The following XPO4 variants were observed in gnomAD, a reference collection of about 807,000 sequenced individuals.
The protein encoded by XPO4 is exportin-4.
A neutral mutation model predicts 143.0 loss-of-function variants in XPO4; 39 were observed. The ratio of observed to expected loss-of-function variants is 0.27; its 90% confidence interval spans 0.21 to 0.36. XPO4 has a LOEUF of 0.36. Among genes scored for constraint, XPO4 ranks in the 10% least tolerant of loss-of-function variants. The pLI, the probability that XPO4 is intolerant of heterozygous loss-of-function variation, is 1.00. For missense variants in XPO4, 907 were observed against 1,348.0 expected (o/e 0.67, Z 5.12); for synonymous variants, 439 against 474.0 (o/e 0.93, Z 0.96).
In XPO4 at chr13:20,789,566, T is replaced by G. The variant is rs7992338; in HGVS notation, c.2916+896A>C. ...CCCACCACCACACCCGGCTTTTTTTTTGTGTGTGTGTGTGTGTATTTTTAG... is the reference window on the plus strand; with the variant it reads ...CCCACCACCACACCCGGCTTTTTTTGTGTGTGTGTGTGTGTGTATTTTTAG... On this transcript the variant is annotated intron_variant, in intron 19 of 22. Coordinates refer to ENST00000255305, the MANE Select transcript of XPO4 (RefSeq NM_022459.5). Among the ~76,000 whole-genome samples the G allele has an allele frequency of 7.7e-3, 1,165 of 150,606 alleles. 7 individuals carry two copies. The highest frequency in any genetic ancestry group is 0.012 in the African/African-American group (479 of 40,908).
intron 2 of XPO4, 176 bp downstream of exon 2, chr13:20,868,420 C>T (rs1382549016): frequency 1.9e-5 from 19 of 1,026,822 alleles, no homozygotes; most frequent in Middle Eastern, 3.6e-4. Flanking sequence ...CAAAGTTTCC[C>T]GTCTGGCTTT....
chr13:20,856,472 T>A, intron 3 of XPO4: 1 of 515,748 alleles, frequency 1.9e-6, no homozygotes, highest in Non-Finnish European at 2.5e-6. Context: ...TTCTGAAAGA[T>A]AAGGATCAGA....
chr13:20,833,954 A>G (rs2059884096), intron 6 of XPO4, among the ~76,000 whole-genome samples: 1 of 152,184 alleles, frequency 6.6e-6, no homozygotes, highest in East Asian at 1.9e-4. Context: ...GGAGGATCAC[A>G]GGACCAGGAC....
At chr13:20,799,482 C>G (rs2059405659) in intron 15 of XPO4, 143 bp from the exon 16 acceptor site, 3 of 670,084 alleles carry the variant, frequency 4.5e-6, no homozygotes, top group Non-Finnish European at 6.8e-6. Flanking sequence ...TTAGTATAGA[C>G]TTTGAAGTCA....
rs2059448221 is a variant in XPO4 at position 20,802,506 on chromosome 13, G to A, written c.1818-1516C>T. Among the ~76,000 whole-genome samples, 3 of 152,266 alleles carry A rather than the reference G, an allele frequency of 2.0e-5. No homozygotes were observed. The South Asian group carries it at 6.2e-4, about 32-fold the overall frequency. ...AGTAATACATTTAAGTTGTAGATAT[G>A]TCAAAATTCCTGGTAAGATTAAATC... On this transcript the variant is annotated intron_variant, in intron 13 of 22. Transcript: ENST00000255305.
intron 1 of XPO4, among the ~76,000 whole-genome samples, chr13:20,881,273 A>G (rs1426179494): frequency 6.6e-6 from 1 of 151,886 alleles, no homozygotes. Context: ...ATTTTACAAT[A>G]ATTTTTTTTT....
intron 3 of XPO4, chr13:20,856,838 G>A: frequency 2.0e-6 from 2 of 985,168 alleles, no homozygotes; most frequent in Non-Finnish European, 2.4e-6. Flanking sequence ...CCTCTCCCAA[G>A]ATTATGACGT....
At chr13:20,872,719 C>A (rs7325722) in intron 1 of XPO4, among the ~76,000 whole-genome samples, 1 of 152,032 alleles carries the variant, frequency 6.6e-6, no homozygotes, top group Non-Finnish European at 1.5e-5. Flanking sequence ...GTCACACTAT[C>A]AGTAAGAAGC....
At chr13:20,879,023 G>T in intron 1 of XPO4, 1 of 860,076 alleles carries the variant, frequency 1.2e-6, no homozygotes, top group Non-Finnish European at 1.4e-6. Flanking sequence ...GAGCTTACAA[G>T]AAATTAAGGA....
chr13:20,823,974 T>C (rs1055909772), intron 7 of XPO4, among the ~76,000 whole-genome samples: 1 of 152,168 alleles, frequency 6.6e-6, no homozygotes, highest in Non-Finnish European at 1.5e-5. Flanking sequence ...TTAATGACCA[T>C]CAATAAGCTT....
At chr13:20,787,649 A>G (rs774424042) in intron 20 of XPO4, 51 bp from the exon 21 acceptor site, 30 of 1,501,306 alleles carry the variant, frequency 2.0e-5, no homozygotes, top group Non-Finnish European at 2.5e-5. Context: ...TCGATTTATA[A>G]AAGATAAAAA....
intron 4 of XPO4, chr13:20,848,489 A>AT (rs2060049948): frequency 2.0e-6 from 2 of 985,444 alleles, no homozygotes; most frequent in Non-Finnish European, 2.4e-6. Flanking sequence ...ATACCATGTA[A>AT]TTACACCAGG....
At chr13:20,865,429 A>C (rs1490143214) in intron 2 of XPO4, 1 of 983,938 alleles carries the variant, frequency 1.0e-6, no homozygotes, top group Admixed American at 6.2e-5. Flanking sequence ...GAGCCACCAC[A>C]CCCAGCCTCA....
At chr13:20,866,733 G>T (rs1283950965) in intron 2 of XPO4, among the ~76,000 whole-genome samples, 1 of 152,078 alleles carries the variant, frequency 6.6e-6, no homozygotes, top group African/African-American at 2.4e-5. Flanking sequence ...CTACTCTTTA[G>T]AAAATTTTAT....
At chr13:20,855,286 T>C (rs1214202484) in intron 4 of XPO4, among the ~76,000 whole-genome samples, 1 of 151,982 alleles carries the variant, frequency 6.6e-6, no homozygotes, top group African/African-American at 2.4e-5. Context: ...AGAAACCCTG[T>C]CTCTACTAAA....
chr13:20,838,926 C>T (rs1041503938), intron 6 of XPO4, among the ~76,000 whole-genome samples: 7 of 152,120 alleles, frequency 4.6e-5, no homozygotes, highest in Admixed American at 1.3e-4. Flanking sequence ...CTGATGGATG[C>T]TGCATGCTAC....
At chr13:20,841,768 C>G (rs980561739) in intron 6 of XPO4, among the ~76,000 whole-genome samples, 10 of 151,748 alleles carry the variant, frequency 6.6e-5, no homozygotes, top group African/African-American at 2.2e-4. Flanking sequence ...AAATAATTAG[C>G]GAGTTTCTGT....
chr13:20,782,869 GA>G lies in XPO4; in HGVS notation c.*852del, dbSNP rs2059157217. The stretch of plus-strand genomic sequence containing the variant: ...TACAGTTCCTAAGGTTATTTTTACG[GA>G]ACAAAAATATACATGTATTTTCCTC... On this transcript the variant is annotated 3_prime_UTR_variant, in exon 23 of 23. Transcript: ENST00000255305. 6.6e-6 allele frequency: 1 copy of G among 152,374 alleles called. No individual in the cohort carries two copies. Among genetic ancestry groups the G allele is most frequent in the African/African-American group, 2.4e-5 (1 of 41,358 alleles). 9.4% of individuals were successfully genotyped at this position (152,374 alleles called of 1,614,324 possible). A position where few individuals can be genotyped will look rare whatever the true frequency, so the allele number is the denominator to read the frequency against.
intron 3 of XPO4, chr13:20,857,944 G>A: frequency 1.0e-6 from 1 of 985,094 alleles, no homozygotes; most frequent in Non-Finnish European, 1.2e-6. Context: ...TGCATGTAAT[G>A]GGAAGTACAC....
Sources: allele counts gnomAD v4.1 joint callset (sites outside exome capture counted in the v4.1 genomes callset), GRCh38; gene constraint gnomAD v4.1.1; transcripts MANE v1.5; gene names NCBI Gene and HGNC (gene_info 2026-07-23, HGNC 2026-07-21).